Variants in TRIM22 observed in about 807,000 individuals in gnomAD.
TRIM22 encodes E3 ubiquitin-protein ligase TRIM22.
Under a neutral mutation model 53.6 loss-of-function variants are expected in TRIM22, and 45 were observed. That is an observed-to-expected ratio of 0.84 (90% CI 0.66 to 1.08). The LOEUF (loss-of-function observed/expected upper bound fraction) is 1.08, where lower values mean the gene tolerates loss of function less well. Among genes scored for constraint, TRIM22 ranks in the 50% least tolerant of loss-of-function variants. The pLI, the probability that TRIM22 is intolerant of heterozygous loss-of-function variation, is 0.00. For missense variants in TRIM22, 616 were observed against 590.9 expected, an observed-to-expected ratio of 1.04 and a Z score of -0.44; for synonymous variants, 225 against 216.6, an observed-to-expected ratio of 1.04 and a Z score of -0.34.
intron 1 of TRIM22, among the ~76,000 whole-genome samples, chr11:5,693,673 G>T (rs1240372085): frequency 2.3e-5 from 3 of 129,940 alleles, no homozygotes; most frequent in Non-Finnish European, 4.6e-5. Flanking sequence ...AAGGAGCCGA[G>T]ATCGCACCAC....
rs1457955296 is a variant in TRIM22, at chr11:5,690,940, T to C, written c.-67+1041T>C. Reference sequence around the variant, plus strand: ...GCCCTTTTGAAGGTTATCCTTTTACTTGCCTTCTGGTAACTTTTTGGATGC... The same window carrying C: ...GCCCTTTTGAAGGTTATCCTTTTACCTGCCTTCTGGTAACTTTTTGGATGC... On this transcript the variant is annotated intron_variant, in intron 1 of 7. Transcript: ENST00000379965. The C allele has an allele frequency of 3.3e-5, 5 of 152,290 alleles. No homozygotes were observed. In the East Asian group the frequency reaches 9.6e-4, roughly 29 times the overall value. The allele number at this position is 152,290 out of a possible 1,614,324, so 9.4% of individuals were successfully genotyped here.
chr11:5,703,023 T>C (rs549736570), intron 4 of TRIM22, among the ~76,000 whole-genome samples: 42 of 152,244 alleles, frequency 2.8e-4, no homozygotes, highest in Non-Finnish European at 3.5e-4. Flanking sequence ...AATCATGCTG[T>C]CTGTAAATAA....
At chr11:5,708,447 T>C in intron 6 of TRIM22, 130 bp from the exon 7 acceptor site, 1 of 1,017,066 alleles carries the variant, frequency 9.8e-7, no homozygotes. Context: ...GGTGTCTGAT[T>C]CATCCTCTCA....
chr11:5,703,418 C>T (rs768694300), intron 4 of TRIM22, among the ~76,000 whole-genome samples: 5 of 149,440 alleles, frequency 3.3e-5, no homozygotes, highest in African/African-American at 1.2e-4. Flanking sequence ...TGGAGTCTTG[C>T]TCTGTCACCC....
intron 4 of TRIM22, among the ~76,000 whole-genome samples, chr11:5,698,764 G>C (rs1343284944): frequency 1.3e-5 from 2 of 152,204 alleles, no homozygotes; most frequent in Non-Finnish European, 2.9e-5. Flanking sequence ...ACTTATGAGA[G>C]CAGTGTAAAA....
rs1237370281 is a variant in TRIM22, at chr11:5,709,743, C to T, written c.*95C>T. ...TCATCTCTACTGAGACCATCTCTTC[C>T]TTTCTTTCCCCTTCTTTTACTTAGA... is the stretch of plus-strand genomic sequence containing the variant. On this transcript the variant is annotated 3_prime_UTR_variant, in exon 8 of 8. Coordinates refer to ENST00000379965, the MANE Select transcript of TRIM22 (RefSeq NM_006074.5). 17 of 1,068,974 alleles carry T rather than the reference C, an allele frequency of 1.6e-5. No homozygotes were observed. The highest frequency in any genetic ancestry group is 2.3e-5 in the Non-Finnish European group (17 of 740,076). The allele number at this position is 1,068,974 out of a possible 1,614,324, so 66.2% of individuals were successfully genotyped here. A position where few individuals can be genotyped will look rare whatever the true frequency, so the allele number is the denominator to read the frequency against.
At chr11:5,692,021 A>G (rs1313410044) in intron 1 of TRIM22, among the ~76,000 whole-genome samples, 1 of 152,216 alleles carries the variant, frequency 6.6e-6, no homozygotes, top group Non-Finnish European at 1.5e-5. Flanking sequence ...TAAAAAAACA[A>G]AAACAAAAAC....
Position 5,710,618 on chromosome 11 carries a change from T to G in TRIM22, c.*970T>G, listed in dbSNP as rs1265111479. ...AGCTCTATGATCTTAAATAATTTAC[T>G]TAATGTATTTTGGTGTATTTTCCTC... On this transcript the variant is annotated 3_prime_UTR_variant, in exon 8 of 8. Coordinates refer to ENST00000379965, the MANE Select transcript of TRIM22 (RefSeq NM_006074.5). The G allele has an allele frequency of 6.6e-6, 1 of 152,256 alleles. No individual in the cohort carries two copies. Among genetic ancestry groups the G allele is most frequent in the Non-Finnish European group, 1.5e-5 (1 of 68,034 alleles). The allele number at this position is 152,256 out of a possible 1,614,324, so 9.4% of individuals were successfully genotyped here. A position where few individuals can be genotyped will look rare whatever the true frequency, so the allele number is the denominator to read the frequency against.
Position 5,698,335 on chromosome 11 carries a change from A to G in TRIM22, c.540A>G (p.Arg180=), listed in dbSNP as rs747840619. The stretch of plus-strand genomic sequence containing the variant: ...CCAAGAATTATATCCAGATCGAGAG[A>G]CAGAAGATTCTGAAAGGGTTCAATG... ...TAWKNYIQIE[R]QKILKGFNEM... The change falls in exon 4 of 8, where the codon AGA becomes AGG. Residue 180 remains arginine (R), a synonymous_variant. Coordinates refer to ENST00000379965, the MANE Select transcript of TRIM22 (RefSeq NM_006074.5). 3.7e-6 allele frequency: 6 copies of G among 1,614,094 alleles called. No individual in the cohort carries two copies. Among genetic ancestry groups the G allele is most frequent in the Non-Finnish European group, 4.2e-6 (5 of 1,179,974 alleles).
intron 1 of TRIM22, among the ~76,000 whole-genome samples, chr11:5,690,585 AAAGAG>A (rs1243432731): frequency 3.3e-5 from 5 of 152,172 alleles, no homozygotes; most frequent in Non-Finnish European, 5.9e-5. Flanking sequence ...AGCAGAAAGG[AAAGAG>A]AAGAGAAGAA....
At position 5,705,457 on chromosome 11, in the gene TRIM22, A is replaced by C. The variant is rs578027986; in HGVS notation, c.751-1137A>C. ...AGTAAAATTATACTTGACCCCTTGA[A>C]TTTGTTTTTTAAAAATTTAAACCAG... On this transcript the variant is annotated intron_variant, in intron 4 of 7. Transcript: ENST00000379965. Among the ~76,000 whole-genome samples the C allele has an allele frequency of 3.9e-5, 6 of 152,310 alleles. No homozygotes were observed. In the East Asian group the frequency reaches 1.2e-3, roughly 29 times the overall value.
At position 5,696,181 on chromosome 11, in the gene TRIM22, G is replaced by C. The variant is rs999808285; in HGVS notation, c.-52G>C. ...AACATTCTCAGCACTGCAGGAGTTT[G>C]TGACCAAGAACTTCAAGAGTCAAGA... On this transcript the variant is annotated 5_prime_UTR_variant, in exon 2 of 8. Transcript: ENST00000379965. 1.6e-5 allele frequency: 24 copies of C among 1,538,434 alleles called. No homozygotes were observed. The highest frequency in any genetic ancestry group is 2.1e-5 in the Non-Finnish European group (24 of 1,141,414).
At position 5,709,723 on chromosome 11, in the gene TRIM22, T is replaced by A; in HGVS notation, c.*75T>A. ...CTCAGATTCTGCACCTGAGTTCATC[T>A]CTACTGAGACCATCTCTTCCTTTCT... On this transcript the variant is annotated 3_prime_UTR_variant, in exon 8 of 8. Coordinates refer to ENST00000379965, the MANE Select transcript of TRIM22 (RefSeq NM_006074.5). 1 of 1,250,512 alleles carries A rather than the reference T, an allele frequency of 8.0e-7. No homozygotes were observed. Among genetic ancestry groups the A allele is most frequent in the Non-Finnish European group, 1.1e-6 (1 of 895,592 alleles). 77.5% of individuals were successfully genotyped at this position (1,250,512 alleles called of 1,614,324 possible).
chr11:5,692,322 G>A (rs911447396), intron 1 of TRIM22, among the ~76,000 whole-genome samples: 1 of 151,164 alleles, frequency 6.6e-6, no homozygotes, highest in Non-Finnish European at 1.5e-5. Context: ...ATTTTGAGCA[G>A]TCTTCAATAA....
Position 5,709,245 on chromosome 11 carries a change from T to A in TRIM22, c.1094T>A (p.Ile365Asn). ...TGGGAAGTAGATGTGTCTGGAAAGA[T>A]TGCCTGGATCCTGGGCGTACACAGT... ...YYWEVDVSGKIAWILGVHSKI... is the reference protein window; with the variant it reads ...YYWEVDVSGKNAWILGVHSKI... Residue 365 changes from isoleucine to asparagine, a missense_variant, in exon 8 of 8, where the codon ATT becomes AAT. By Grantham distance (149) the Ile-to-Asn change is moderately radical. Coordinates refer to ENST00000379965, the MANE Select transcript of TRIM22 (RefSeq NM_006074.5). 8 of 1,614,210 alleles carry A rather than the reference T, an allele frequency of 5.0e-6. No individual in the cohort carries two copies. Among genetic ancestry groups the A allele is most frequent in the African/African-American group, 1.3e-5 (1 of 75,052 alleles).
At chr11:5,708,404 G>A in intron 6 of TRIM22, 131 bp downstream of exon 6, 3 of 1,008,114 alleles carry the variant, frequency 3.0e-6, no homozygotes, top group Admixed American at 2.3e-5. Flanking sequence ...ATCCTGTGCT[G>A]TAGATGTGGT....
intron 6 of TRIM22, 129 bp from the exon 7 acceptor site, chr11:5,708,448 C>A: frequency 2.0e-6 from 2 of 1,022,374 alleles, no homozygotes; most frequent in South Asian, 1.6e-5. Flanking sequence ...GTGTCTGATT[C>A]ATCCTCTCAT....
At chr11:5,694,558 G>C (rs1236972624) in intron 1 of TRIM22, among the ~76,000 whole-genome samples, 2 of 152,164 alleles carry the variant, frequency 1.3e-5, no homozygotes, top group African/African-American at 4.8e-5. Flanking sequence ...TGCTGCAGTG[G>C]AGAGAACTCT....
At position 5,710,040 on chromosome 11, in the gene TRIM22, G is replaced by T; in HGVS notation, c.*392G>T. ...TTTTATTAAGACACCAGTCATACTG[G>T]CTCAGGGCCCACCGCTAATGCCTTA... On this transcript the variant is annotated 3_prime_UTR_variant, in exon 8 of 8. Coordinates refer to ENST00000379965, the MANE Select transcript of TRIM22 (RefSeq NM_006074.5). The T allele has an allele frequency of 5.6e-6, 1 of 178,774 alleles. No homozygotes were observed. Among genetic ancestry groups the T allele is most frequent in the Non-Finnish European group, 1.2e-5 (1 of 84,444 alleles). The allele number at this position is 178,774 out of a possible 1,614,324, so 11.1% of individuals were successfully genotyped here.
Sources: gnomAD v4.1 joint callset for allele counts (sites outside exome capture counted in the v4.1 genomes callset) on GRCh38, gnomAD v4.1.1 for gene constraint, MANE v1.5 for transcripts, NCBI Gene and HGNC (gene_info 2026-07-23, HGNC 2026-07-21) for gene names.